The following RANBP17 variants were observed in gnomAD, a reference collection of about 807,000 sequenced individuals.
RANBP17 encodes RAN binding protein 17.
Under a neutral mutation model 141.2 loss-of-function variants are expected in RANBP17, and 158 were observed. The observed-to-expected ratio is 1.12, with a 90% CI of 0.98 to 1.28. The LOEUF (loss-of-function observed/expected upper bound fraction) is 1.28. RANBP17 is among the 50% of genes most tolerant of loss of function. The pLI is 0.00. For missense variants in RANBP17, 1,438 were observed against 1,290.7 expected (o/e 1.11, Z -1.75); for synonymous variants, 430 against 450.0 (o/e 0.96, Z 0.56).
chr5:170,886,960 G>C (rs548954889), intron 3 of RANBP17, among the ~76,000 whole-genome samples: 1 of 151,946 alleles, frequency 6.6e-6, no homozygotes, highest in East Asian at 1.9e-4. Context: ...ACCATGCCCG[G>C]CTATGTCCGA....
At chr5:171,159,712 G>A (rs1759183128) in intron 14 of RANBP17, among the ~76,000 whole-genome samples, 1 of 152,008 alleles carries the variant, frequency 6.6e-6, no homozygotes, top group Non-Finnish European at 1.5e-5. Flanking sequence ...ACGAGGTCAG[G>A]AGATCAAGAC....
intron 2 of RANBP17, among the ~76,000 whole-genome samples, chr5:170,878,705 C>G (rs568809138): frequency 6.6e-6 from 1 of 152,100 alleles, no homozygotes; most frequent in Non-Finnish European, 1.5e-5. Flanking sequence ...AATGTCAAAT[C>G]AGATGCTGTA....
intron 14 of RANBP17, among the ~76,000 whole-genome samples, chr5:171,085,180 T>C (rs1785554487): frequency 1.5e-5 from 2 of 135,676 alleles, no homozygotes; most frequent in Non-Finnish European, 3.2e-5. Context: ...TTCCTACATA[T>C]GGCTAGCCAG....
chr5:170,889,597 G>T (rs971214232), intron 3 of RANBP17, among the ~76,000 whole-genome samples: 1 of 152,134 alleles, frequency 6.6e-6, no homozygotes, highest in Admixed American at 6.5e-5. Context: ...TGCTATGAGA[G>T]CCACATCAAG....
At chr5:171,211,508 C>T (rs1263754427) in intron 20 of RANBP17, among the ~76,000 whole-genome samples, 1 of 152,092 alleles carries the variant, frequency 6.6e-6, no homozygotes, top group Non-Finnish European at 1.5e-5. Flanking sequence ...GTGATCCACC[C>T]ACCTCAGCCT....
intron 24 of RANBP17, chr5:171,251,934 A>G (rs1385989813): frequency 1.2e-6 from 2 of 1,604,464 alleles, no homozygotes; most frequent in Non-Finnish European, 1.7e-6. Flanking sequence ...ATTTTGGATT[A>G]GTCAGTTTTG....
At chr5:171,158,935 G>A (rs1286374477) in intron 14 of RANBP17, among the ~76,000 whole-genome samples, 1 of 152,098 alleles carries the variant, frequency 6.6e-6, no homozygotes, top group Non-Finnish European at 1.5e-5. Flanking sequence ...TGTATTTTCA[G>A]GTAATGTAGA....
intron 16 of RANBP17, among the ~76,000 whole-genome samples, chr5:171,177,822 AT>A (rs1365159362): frequency 6.6e-6 from 1 of 152,062 alleles, no homozygotes; most frequent in Non-Finnish European, 1.5e-5. Context: ...CCTGTCTCCT[AT>A]TAGATTGTAA....
chr5:171,255,049 T>C (rs1311230236), intron 24 of RANBP17, among the ~76,000 whole-genome samples: 1 of 152,196 alleles, frequency 6.6e-6, no homozygotes, highest in Non-Finnish European at 1.5e-5. Flanking sequence ...TATTTAGTAT[T>C]TGTACTAAAT....
intron 24 of RANBP17, among the ~76,000 whole-genome samples, chr5:171,255,306 G>A (rs1765812961): frequency 6.6e-6 from 1 of 152,100 alleles, no homozygotes; most frequent in Non-Finnish European, 1.5e-5. Context: ...AGAAAAAGAG[G>A]AAAGTGAAGC....
At chr5:170,932,315 A>G (rs963680102) in intron 12 of RANBP17, among the ~76,000 whole-genome samples, 21 of 152,206 alleles carry the variant, frequency 1.4e-4, no homozygotes, top group African/African-American at 3.8e-4. Flanking sequence ...GGGCTGAGAC[A>G]GTGGGGTTTT....
intron 14 of RANBP17, among the ~76,000 whole-genome samples, chr5:171,154,284 T>G (rs1758701509): frequency 6.6e-6 from 1 of 152,046 alleles, no homozygotes; most frequent in South Asian, 2.1e-4. Flanking sequence ...CAAGTCAAGG[T>G]GTTTTTTTCT....
chr5:170,896,369 A>G lies in RANBP17; in HGVS notation c.489+254A>G, dbSNP rs2287892. ...AGAATTAGACATGGTTCTTGCTCCC[A>G]TGGGCACTTGGAGAATTGTTCTTTT... On this transcript the variant is annotated intron_variant, in intron 5 of 27. Transcript: ENST00000523189. The G allele has an allele frequency of 2.5e-5, 10 of 399,472 alleles. No individual in the cohort carries two copies. In the East Asian group the frequency reaches 3.4e-4, roughly 13 times the overall value. 24.7% of individuals were successfully genotyped at this position (399,472 alleles called of 1,614,324 possible).
chr5:171,074,332 G>A (rs1433979213), intron 14 of RANBP17, among the ~76,000 whole-genome samples: 3 of 152,062 alleles, frequency 2.0e-5, no homozygotes, highest in Non-Finnish European at 4.4e-5. Context: ...ACAAGGAAAA[G>A]TCTGAAAAGC....
At chr5:171,214,571 C>G (rs1451709426) in intron 21 of RANBP17, among the ~76,000 whole-genome samples, 2 of 152,104 alleles carry the variant, frequency 1.3e-5, no homozygotes, top group African/African-American at 4.8e-5. Context: ...AATGTTATCT[C>G]TGGTGCTGAG....
At chr5:171,186,680 G>A (rs1761280280) in intron 18 of RANBP17, among the ~76,000 whole-genome samples, 1 of 148,452 alleles carries the variant, frequency 6.7e-6, no homozygotes, top group African/African-American at 2.5e-5. Flanking sequence ...GGGACTACAG[G>A]CGCCCGCCAC....
At chr5:171,095,757 A>ACC (rs1042132516) in intron 14 of RANBP17, among the ~76,000 whole-genome samples, 1 of 151,488 alleles carries the variant, frequency 6.6e-6, no homozygotes, top group Non-Finnish European at 1.5e-5. Context: ...GGGAACTGAC[A>ACC]CCCCCCCGAC....
At chr5:171,125,507 T>C (rs1756384543) in intron 14 of RANBP17, among the ~76,000 whole-genome samples, 1 of 151,858 alleles carries the variant, frequency 6.6e-6, no homozygotes, top group Non-Finnish European at 1.5e-5. Context: ...AGTGGAGCAC[T>C]GAGATATATA....
intron 14 of RANBP17, among the ~76,000 whole-genome samples, chr5:171,038,454 G>T (rs1032854753): frequency 3.3e-5 from 5 of 152,002 alleles, no homozygotes; most frequent in African/African-American, 1.2e-4. Context: ...TCTCTTGCCT[G>T]AATGCTGTGG....
Sources: gnomAD v4.1 joint callset for allele counts (sites outside exome capture counted in the v4.1 genomes callset) on GRCh38, gnomAD v4.1.1 for gene constraint, MANE v1.5 for transcripts, NCBI Gene and HGNC (gene_info 2026-07-23, HGNC 2026-07-21) for gene names.